ZNFX1: variants seen among roughly 807,000 people sequenced by gnomAD.
ZNFX1 encodes zinc finger NFX1-type containing 1.
Under a neutral mutation model 179.8 loss-of-function variants are expected in ZNFX1, and 78 were observed. That is an observed-to-expected ratio of 0.43 (90% CI 0.36 to 0.52). The LOEUF (loss-of-function observed/expected upper bound fraction) is 0.52, where lower values mean the gene tolerates loss of function less well. ZNFX1 is among the 20% of genes least tolerant of loss of function. The pLI is 0.00. For missense variants in ZNFX1, 1,927 were observed against 2,386.6 expected, an observed-to-expected ratio of 0.81 and a Z score of 4.01; for synonymous variants, 848 against 868.5, an observed-to-expected ratio of 0.98 and a Z score of 0.42.
At chr20:49,272,624 A>G (rs557730337) in intron 2 of ZNFX1, among the ~76,000 whole-genome samples, 1 of 152,344 alleles carries the variant, frequency 6.6e-6, no homozygotes, top group South Asian at 2.1e-4. Context: ...TGGTTCTACC[A>G]CTAAACAATT....
chr20:49,257,395 C>T, intron 8 of ZNFX1, 22 bp downstream of exon 8: 2 of 1,613,352 alleles, frequency 1.2e-6, no homozygotes, highest in Non-Finnish European at 1.7e-6. Flanking sequence ...AGGCCTGTTT[C>T]AACCCAAGGA....
Position 49,246,707 on chromosome 20 carries a change from G to A in ZNFX1, c.*560C>T. ...AGGTGGAAGCCCCAAACATGTTCCA[G>A]GGAGTCTGTCCACTAATTTGCAGGA... On this transcript the variant is annotated 3_prime_UTR_variant, in exon 14 of 14. Coordinates refer to ENST00000396105, the MANE Select transcript of ZNFX1 (RefSeq NM_021035.3). The A allele has an allele frequency of 2.6e-6, 1 of 381,018 alleles. No individual in the cohort carries two copies. Among genetic ancestry groups the A allele is most frequent in the Non-Finnish European group, 5.2e-6 (1 of 193,884 alleles). The allele number at this position is 381,018 out of a possible 1,614,324, so 23.6% of individuals were successfully genotyped here.
intron 7 of ZNFX1, among the ~76,000 whole-genome samples, chr20:49,258,236 C>T (rs1981022192): frequency 6.6e-6 from 1 of 151,512 alleles, no homozygotes; most frequent in South Asian, 2.1e-4. Flanking sequence ...GTTGGCATTA[C>T]AGGCATGCAC....
At chr20:49,276,241 A>G (rs1981555092) in intron 1 of ZNFX1, among the ~76,000 whole-genome samples, 1 of 152,194 alleles carries the variant, frequency 6.6e-6, no homozygotes, top group South Asian at 2.1e-4. Flanking sequence ...TCCTTTCCTA[A>G]GAAGCAGACA....
At chr20:49,252,649 TGCTG>T in intron 12 of ZNFX1, 67 bp downstream of exon 12, 5 of 1,067,354 alleles carry the variant, frequency 4.7e-6, no homozygotes, top group Non-Finnish European at 7.2e-6. Flanking sequence ...AGACCTCTTT[TGCTG>T]GCAACTGGCA....
chr20:49,246,888 GAC>G lies in ZNFX1; in HGVS notation c.*377_*378del, dbSNP rs1980687069. On this transcript the variant is annotated 3_prime_UTR_variant, in exon 14 of 14. Coordinates refer to ENST00000396105, the MANE Select transcript of ZNFX1 (RefSeq NM_021035.3). Reference sequence around the variant, plus strand: ...AAAAGAATGATTTTTTTTTTTTTGAGACAGAGTCTTGCTCCTGTCGCCCAGAC... The same window carrying G: ...AAAAGAATGATTTTTTTTTTTTTGAGAGAGTCTTGCTCCTGTCGCCCAGAC... The G allele has an allele frequency of 4.4e-6, 2 of 453,120 alleles. No homozygotes were observed. The highest frequency in any genetic ancestry group is 2.0e-5 in the African/African-American group (1 of 49,132). The allele number at this position is 453,120 out of a possible 1,614,324, so 28.1% of individuals were successfully genotyped here.
Position 49,270,222 on chromosome 20 carries a change from A to T in ZNFX1, c.1590T>A (p.Val530=). ...ACTCCACGATATTCCTCTGGAAGGG[A>T]ACATCTTCCTCCTGGACCTCCTGGA... ...EGLQEVQEED[V]PFQRNIVECN... is the part of the protein sequence containing the mutation. Residue 530 remains valine, a synonymous_variant, in exon 3 of 14, where the codon GTT becomes GTA. Transcript: ENST00000396105. The surrounding 1 kb of genome is among the most constrained non-coding windows in gnomAD (Gnocchi z 4.6). The T allele has an allele frequency of 6.2e-7, 1 of 1,614,008 alleles. No homozygotes were observed. The highest frequency in any genetic ancestry group is 1.1e-5 in the South Asian group (1 of 91,090).
rs565469507 is a variant in ZNFX1 at position 49,261,950 on chromosome 20, A to G, written c.2302-1373T>C. On this transcript the variant is annotated intron_variant, in intron 6 of 13. Coordinates refer to ENST00000396105, the MANE Select transcript of ZNFX1 (RefSeq NM_021035.3). ...CGTGAGCCACTGCGCGCTTGGCCTC[A>G]TGACACAAGTTTACCTACGTAACAA... 1.2e-4 allele frequency among the ~76,000 whole-genome samples: 18 copies of G among 151,716 alleles called. No homozygotes were observed. The South Asian group carries it at 3.7e-3, about 32-fold the overall frequency.
At chr20:49,263,987 G>A (rs1439367439) in intron 5 of ZNFX1, among the ~76,000 whole-genome samples, 3 of 152,212 alleles carry the variant, frequency 2.0e-5, no homozygotes, top group South Asian at 2.1e-4. Context: ...ACTTTGGGAG[G>A]CCGAGGCGGG....
At chr20:49,252,694 G>A (rs888154085) in intron 12 of ZNFX1, 26 bp downstream of exon 12, 3 of 1,587,146 alleles carry the variant, frequency 1.9e-6, no homozygotes, top group African/African-American at 2.7e-5. Context: ...TGGGCATTTG[G>A]TAACAACAGA....
At chr20:49,269,501 G>A (rs554151868) in intron 3 of ZNFX1, among the ~76,000 whole-genome samples, 18 of 152,286 alleles carry the variant, frequency 1.2e-4, no homozygotes, top group African/African-American at 3.4e-4. Context: ...GTCTAACATG[G>A]TGAAACCCTG....
rs565022798 is a variant in ZNFX1 at position 49,258,198 on chromosome 20, C to T, written c.2417-534G>A. Among the ~76,000 whole-genome samples the T allele has an allele frequency of 2.7e-5, 4 of 148,968 alleles. No individual in the cohort carries two copies. In the East Asian group the frequency reaches 6.1e-4, roughly 23 times the overall value. On this transcript the variant is annotated intron_variant, in intron 7 of 13. Transcript: ENST00000396105. ...ACAACCTCCACCTCCCGGGTTCAAG[C>T]GATTCTCCTGCCTCAGCCTCCCGAG...
chr20:49,255,633 A>G (rs550386323), intron 9 of ZNFX1, among the ~76,000 whole-genome samples, 175 bp downstream of exon 9: 1 of 152,356 alleles, frequency 6.6e-6, no homozygotes, highest in South Asian at 2.1e-4. Context: ...TATAAGCTCC[A>G]TGAAAGTAGA....
chr20:49,253,868 G>GC, intron 10 of ZNFX1, 57 bp from the exon 11 acceptor site: 1 of 1,594,732 alleles, frequency 6.3e-7, no homozygotes, highest in Non-Finnish European at 8.5e-7. Flanking sequence ...GACCCACAGG[G>GC]CCACTGGGCC....
chr20:49,269,883 T>C (rs2146741242), intron 3 of ZNFX1, 59 bp downstream of exon 3: 1 of 1,513,532 alleles, frequency 6.6e-7, no homozygotes, highest in East Asian at 2.3e-5. Context: ...GAGTGAAGGC[T>C]CCGTCCCTTG....
intron 5 of ZNFX1, 120 bp downstream of exon 5, chr20:49,264,595 TG>T: frequency 8.0e-7 from 1 of 1,248,248 alleles, no homozygotes; most frequent in Non-Finnish European, 1.1e-6. Context: ...GAAAGGAACC[TG>T]GGTCCTCCAG....
chr20:49,269,914 T>C (rs1050678923), intron 3 of ZNFX1, 28 bp downstream of exon 3: 1 of 1,561,130 alleles, frequency 6.4e-7, no homozygotes. Flanking sequence ...AAAGCAGATC[T>C]TATGTACTCT....
rs138847340 is a variant in ZNFX1 at position 49,249,407 on chromosome 20, C to G, written c.3617G>C (p.Gly1206Ala). 6.2e-7 allele frequency: 1 copy of G among 1,614,126 alleles called. No homozygotes were observed. Among genetic ancestry groups the G allele is most frequent in the African/African-American group, 1.3e-5 (1 of 74,946 alleles). Reference sequence around the variant, plus strand: ...GGATATCTGCAGAAAACCCACCTTGCCTTCTTGGTTGCTCCGCACTAGCGA... The same window carrying G: ...GGATATCTGCAGAAAACCCACCTTGGCTTCTTGGTTGCTCCGCACTAGCGA... ...LLSLVRSNQE[G>A]KVGFLQISNR... The change falls in exon 14 of 14, where the codon GGC (glycine) becomes GCC (alanine). Residue 1206 changes from glycine to alanine, a missense_variant. Physicochemically the swap from Gly to Ala is moderately conservative, Grantham distance 60 (BLOSUM62 0). Transcript: ENST00000396105.
chr20:49,268,273 A>G (rs945382072), intron 3 of ZNFX1, among the ~76,000 whole-genome samples: 1 of 152,222 alleles, frequency 6.6e-6, no homozygotes, highest in Non-Finnish European at 1.5e-5. Flanking sequence ...CTTCACACAT[A>G]GTGCTATTAT....
Sources: allele counts gnomAD v4.1 joint callset (sites outside exome capture counted in the v4.1 genomes callset), GRCh38; gene constraint gnomAD v4.1.1; non-coding constraint Gnocchi (gnomAD v3.1); transcripts MANE v1.5; gene names NCBI Gene and HGNC (gene_info 2026-07-23, HGNC 2026-07-21).